Variants in RNF6 observed in about 807,000 individuals in gnomAD.
RNF6 encodes the protein E3 ubiquitin-protein ligase RNF6.
RNF6 carries 21 observed loss-of-function variants against 50.1 expected under a neutral mutation model. That is an observed-to-expected ratio of 0.42 (90% CI 0.30 to 0.60). The LOEUF is 0.60. Among genes scored for constraint, RNF6 ranks in the 20% least tolerant of loss-of-function variants. The pLI, the probability that RNF6 is intolerant of heterozygous loss-of-function variation, is 0.20. For missense variants in RNF6, 698 were observed against 838.2 expected (o/e 0.83, Z 2.07); for synonymous variants, 255 against 291.8 (o/e 0.87, Z 1.29).
rs573361648 is a variant in RNF6, at chr13:26,164,007, G to C, written n.769-31556C>G. On this transcript the variant is annotated intron_variant and non_coding_transcript_variant, in intron 5 of 5. Coordinates refer to the RNF6 transcript ENST00000468480. ...AGCTATAGTAGCTGTCACAAAAATA[G>C]GATACCCTAAATAATTCACTGGAAA... is the stretch of plus-strand genomic sequence containing the variant. Among the ~76,000 whole-genome samples, 15 of 152,240 alleles carry C rather than the reference G, an allele frequency of 9.9e-5. No homozygotes were observed. The South Asian group carries it at 2.9e-3, about 29-fold the overall frequency.
At chr13:26,199,063 T>C (rs773837192) in intron 5 of RNF6, among the ~76,000 whole-genome samples, 2 of 151,824 alleles carry the variant, frequency 1.3e-5, no homozygotes, top group Non-Finnish European at 2.9e-5. Context: ...AAGTGATCTA[T>C]AGATTCAGTG....
chr13:26,157,932 A>T (rs973224261), intron 5 of RNF6, among the ~76,000 whole-genome samples: 2 of 150,248 alleles, frequency 1.3e-5, no homozygotes, highest in African/African-American at 4.9e-5. Flanking sequence ...GGATAGATGG[A>T]TAGATGGATG....
chr13:26,185,724 C>T (rs1049839613), intron 5 of RNF6, among the ~76,000 whole-genome samples: 16 of 152,086 alleles, frequency 1.1e-4, no homozygotes, highest in African/African-American at 3.6e-4. Flanking sequence ...CCAGCCTGGG[C>T]AAAACGAGCG....
At chr13:26,202,778 C>T (rs1868945212) in intron 5 of RNF6, among the ~76,000 whole-genome samples, 1 of 152,224 alleles carries the variant, frequency 6.6e-6, no homozygotes, top group Non-Finnish European at 1.5e-5. Context: ...ACCCATATCA[C>T]ATGGGCAGCT....
chr13:26,137,926 A>G (rs993653036), intron 5 of RNF6, among the ~76,000 whole-genome samples: 8 of 152,168 alleles, frequency 5.3e-5, no homozygotes, highest in Non-Finnish European at 1.2e-4. Context: ...CACATGAAGA[A>G]GAACATTTAA....
At chr13:26,172,475 T>G (rs1872740360) in intron 5 of RNF6, among the ~76,000 whole-genome samples, 1 of 151,866 alleles carries the variant, frequency 6.6e-6, no homozygotes, top group African/African-American at 2.4e-5. Flanking sequence ...TAATCTGACT[T>G]CATTAAAACT....
At chr13:26,178,642 G>GTGTGTGT (rs1593169755) in intron 5 of RNF6, among the ~76,000 whole-genome samples, 8 of 141,572 alleles carry the variant, frequency 5.7e-5, no homozygotes, top group Non-Finnish European at 9.2e-5. Context: ...GTGTGTGTGT[G>GTGTGTGT]GTGAGAAAGC....
At chr13:26,163,778 C>T (rs1872323283) in intron 5 of RNF6, among the ~76,000 whole-genome samples, 1 of 152,140 alleles carries the variant, frequency 6.6e-6, no homozygotes, top group African/African-American at 2.4e-5. Context: ...TAACTAGAGG[C>T]TCTGGGTACT....
intron 5 of RNF6, among the ~76,000 whole-genome samples, chr13:26,164,139 G>C (rs890604664): frequency 6.6e-6 from 1 of 152,142 alleles, no homozygotes; most frequent in East Asian, 1.9e-4. Flanking sequence ...TGTTCTATCA[G>C]CTAATTAAGT....
intron 5 of RNF6, among the ~76,000 whole-genome samples, chr13:26,141,167 C>T (rs764732674): frequency 2.6e-5 from 4 of 151,892 alleles, no homozygotes; most frequent in African/African-American, 7.3e-5. Context: ...CGTGAATAGC[C>T]GAAGCAATCC....
chr13:26,132,522 T>G, intron 5 of RNF6: 1 of 435,804 alleles, frequency 2.3e-6, no homozygotes, highest in Non-Finnish European at 4.6e-6. Context: ...CTTCCATGTC[T>G]TTAGTAATTA....
At chr13:26,143,118 G>C (rs1871046549) in intron 5 of RNF6, among the ~76,000 whole-genome samples, 2 of 152,224 alleles carry the variant, frequency 1.3e-5, no homozygotes, top group African/African-American at 4.8e-5. Flanking sequence ...ACTTCAACTA[G>C]TTGTGGTTCT....
chr13:26,222,582 C>G (rs1399157350), upstream of RNF6: 1 of 152,338 alleles, frequency 6.6e-6, no homozygotes, highest in Non-Finnish European at 1.5e-5. Context: ...AACGTACTAC[C>G]CAGCCAGGCC....
intron 5 of RNF6, among the ~76,000 whole-genome samples, chr13:26,135,060 A>C (rs1427916657): frequency 1.3e-5 from 2 of 152,210 alleles, no homozygotes; most frequent in African/African-American, 4.8e-5. Flanking sequence ...AATTATCTTA[A>C]AGAGCAATAT....
At chr13:26,196,636 A>C (rs1048804573) in intron 5 of RNF6, among the ~76,000 whole-genome samples, 2 of 151,272 alleles carry the variant, frequency 1.3e-5, no homozygotes, top group East Asian at 3.9e-4. Context: ...CTTTCTCCAA[A>C]AAATAAATAA....
intron 5 of RNF6, among the ~76,000 whole-genome samples, chr13:26,151,131 A>G (rs370973006): frequency 6.6e-6 from 1 of 152,234 alleles, no homozygotes; most frequent in African/African-American, 2.4e-5. Flanking sequence ...CAGTGCAACT[A>G]CTTAACAACA....
downstream of RNF6, among the ~76,000 whole-genome samples, chr13:26,209,962 C>T (rs570890399): frequency 6.6e-6 from 1 of 152,214 alleles, no homozygotes; most frequent in East Asian, 1.9e-4. Context: ...AGATTTAATA[C>T]TCAAACAAAA....
chr13:26,199,114 T>G lies in RNF6; in HGVS notation n.768+16360A>C, dbSNP rs977335537. Reference sequence around the variant, plus strand: ...TCCCAATGTTCTTTTACATAGACATTAACAAGCTGAGTTTTAAATGTATAT... The same window carrying G: ...TCCCAATGTTCTTTTACATAGACATGAACAAGCTGAGTTTTAAATGTATAT... On this transcript the variant is annotated intron_variant and non_coding_transcript_variant, in intron 5 of 5. Coordinates refer to the RNF6 transcript ENST00000468480. 7.9e-5 allele frequency among the ~76,000 whole-genome samples: 12 copies of G among 151,940 alleles called. 1 individual carries two copies. The highest frequency in any genetic ancestry group is 2.4e-4 in the African/African-American group (10 of 41,252).
At chr13:26,137,319 A>G (rs1257799960) in intron 5 of RNF6, among the ~76,000 whole-genome samples, 1 of 146,250 alleles carries the variant, frequency 6.8e-6, no homozygotes, top group Non-Finnish European at 1.5e-5. Flanking sequence ...TTTTTTAAAG[A>G]AAATTAGAAT....
Sources: gnomAD v4.1 joint callset for allele counts (sites outside exome capture counted in the v4.1 genomes callset) on GRCh38, gnomAD v4.1.1 for gene constraint, MANE v1.5 for transcripts, NCBI Gene and HGNC (gene_info 2026-07-23, HGNC 2026-07-21) for gene names.